BTBD2: variants seen among roughly 807,000 people sequenced by gnomAD.
BTBD2 encodes the protein BTB domain containing 2.
In BTBD2, 15 loss-of-function variants were observed where a neutral mutation model predicts 44.0. That is an observed-to-expected ratio of 0.34 (90% confidence interval 0.23 to 0.53). The LOEUF is 0.53. Ranked by LOEUF, BTBD2 falls within the 20% of genes least tolerant of loss-of-function variation. The probability of loss-of-function intolerance (pLI) is 0.95; values close to 1 mark genes in which losing one functional copy is unlikely to be tolerated. For missense variants in BTBD2, 657 were observed against 746.4 expected (o/e 0.88, Z 1.39); for synonymous variants, 443 against 335.9 (o/e 1.32, Z -3.49).
Position 1,998,274 on chromosome 19 carries a change from C to T in BTBD2, c.408-811G>A, listed in dbSNP as rs144049249. ...GCCTGGCCTCACTGAGGGAGACAGA[C>T]GAGGACCAAATGGCCGAACAGCCCC... On this transcript the variant is annotated intron_variant, in intron 1 of 8. Transcript: ENST00000255608. Among the ~76,000 whole-genome samples, 177 of 152,298 alleles carry T rather than the reference C, an allele frequency of 1.2e-3. 1 individual carries two copies. The highest frequency in any genetic ancestry group is 3.9e-3 in the African/African-American group (162 of 41,568).
chr19:1,987,587 C>T lies in BTBD2; in HGVS notation c.1094G>A (p.Cys365Tyr), dbSNP rs1246095656. The change falls in exon 6 of 9, where the codon TGC becomes TAC. Residue 365 changes from cysteine to tyrosine, a missense_variant. Physicochemically the swap from Cys to Tyr is radical, Grantham distance 194. Around this residue, in one of 3 missense-constraint regions of BTBD2, gnomAD observed 449 missense variants for 510.9 expected, o/e 0.88. Coordinates refer to ENST00000255608, the MANE Select transcript of BTBD2 (RefSeq NM_017797.4). ...PRVEFIDRPR[C>Y]CLRGKECSIN... ...GCTGCACTCCTTCCCACGCAGGCAG[C>T]AGCGGGGCCGGTCAATGAACTCCAC... 6.2e-7 allele frequency: 1 copy of T among 1,612,558 alleles called. No homozygotes were observed. The highest frequency in any genetic ancestry group is 8.5e-7 in the Non-Finnish European group (1 of 1,179,690).
At position 1,999,818 on chromosome 19, in the gene BTBD2, T is replaced by C. The variant is rs193290696; in HGVS notation, c.408-2355A>G. On this transcript the variant is annotated intron_variant, in intron 1 of 8. Coordinates refer to ENST00000255608, the MANE Select transcript of BTBD2 (RefSeq NM_017797.4). The stretch of plus-strand genomic sequence containing the variant: ...CTCTACTAAAAATACAAAAATTAGC[T>C]GGGCGTGGTGGTGGGTGCCTGTAAT... 5.6e-3 allele frequency among the ~76,000 whole-genome samples: 846 copies of C among 150,832 alleles called. 11 individuals carry two copies. The highest frequency in any genetic ancestry group is 0.018 in the African/African-American group (744 of 41,086).
intron 3 of BTBD2, chr19:1,991,032 G>T: frequency 1.9e-6 from 1 of 540,030 alleles, no homozygotes; most frequent in Non-Finnish European, 3.3e-6. Flanking sequence ...GAGAGTTGGG[G>T]AGTTCCCTCT....
rs370404856 is a variant in BTBD2, at chr19:1,994,468, A to AT, written c.528-1293dup. 1.9e-3 allele frequency among the ~76,000 whole-genome samples: 289 copies of AT among 150,784 alleles called. 2 individuals are homozygous for AT. The highest frequency in any genetic ancestry group is 0.017 in the East Asian group (88 of 5,128). On this transcript the variant is annotated intron_variant, in intron 2 of 8. Coordinates refer to ENST00000255608, the MANE Select transcript of BTBD2 (RefSeq NM_017797.4). ...ATGGTGAGATCCTGTCTCTAAACACATTTTTTTTTCAGCTGGGCACAGTGG... is the reference window on the plus strand; with the variant it reads ...ATGGTGAGATCCTGTCTCTAAACACATTTTTTTTTTCAGCTGGGCACAGTGG...
chr19:2,014,833 C>A (rs1278898169), intron 1 of BTBD2, among the ~76,000 whole-genome samples: 10 of 149,138 alleles, frequency 6.7e-5, no homozygotes, highest in East Asian at 2.0e-4. Flanking sequence ...GCCTGGGATC[C>A]CGGGGAACAG....
At chr19:1,990,670 G>T in intron 4 of BTBD2, 47 bp downstream of exon 4, 1 of 1,451,134 alleles carries the variant, frequency 6.9e-7, no homozygotes, top group Non-Finnish European at 9.4e-7. Flanking sequence ...GGACCCTCCC[G>T]CCGAGGCCCC....
At chr19:2,011,093 C>T (rs75320628) in intron 1 of BTBD2, among the ~76,000 whole-genome samples, 3,292 of 152,116 alleles carry the variant, frequency 0.022, 56 homozygotes, top group Non-Finnish European at 0.034. Context: ...CACTGCTCTG[C>T]GGACCTCTCA....
At chr19:1,993,953 C>T (rs1462934527) in intron 2 of BTBD2, among the ~76,000 whole-genome samples, 2 of 124,414 alleles carry the variant, frequency 1.6e-5, no homozygotes, top group Non-Finnish European at 3.1e-5. Flanking sequence ...GCTGAGATCT[C>T]GCCACTGCAC....
rs1482907927 is a variant in BTBD2 at position 1,986,380 on chromosome 19, G to C, written c.*108C>G. 1.0e-5 allele frequency: 14 copies of C among 1,372,178 alleles called. No homozygotes were observed. Among genetic ancestry groups the C allele is most frequent in the Non-Finnish European group, 1.2e-5 (12 of 980,998 alleles). The allele number at this position is 1,372,178 out of a possible 1,614,324, so 85.0% of individuals were successfully genotyped here. A position where few individuals can be genotyped will look rare whatever the true frequency, so the allele number is the denominator to read the frequency against. ...GTGGCATGGAGTGGACAGACGGCCT[G>C]GGGGACACTGGGCCTGGCACCGCGT... is the stretch of plus-strand genomic sequence containing the variant. On this transcript the variant is annotated 3_prime_UTR_variant, in exon 9 of 9. Coordinates refer to ENST00000255608, the MANE Select transcript of BTBD2 (RefSeq NM_017797.4).
intron 1 of BTBD2, among the ~76,000 whole-genome samples, chr19:1,999,851 A>C (rs369205773): frequency 6.6e-6 from 1 of 151,580 alleles, no homozygotes; most frequent in East Asian, 1.9e-4. Context: ...AATCCCAGCT[A>C]CTCAGGAGGC....
At position 2,005,580 on chromosome 19, in the gene BTBD2, G is replaced by A. The variant is rs551188656; in HGVS notation, c.408-8117C>T. ...GTGGATCACCTGAGGTCAGGAGTTCGAGACCAGCCTGACCAATAGGATGAA... is the reference window on the plus strand; with the variant it reads ...GTGGATCACCTGAGGTCAGGAGTTCAAGACCAGCCTGACCAATAGGATGAA... On this transcript the variant is annotated intron_variant, in intron 1 of 8. Coordinates refer to ENST00000255608, the MANE Select transcript of BTBD2 (RefSeq NM_017797.4). Among the ~76,000 whole-genome samples the A allele has an allele frequency of 1.6e-4, 24 of 151,708 alleles. No homozygotes were observed. The East Asian group carries it at 3.1e-3, about 20-fold the overall frequency.
At chr19:1,991,472 G>A (rs1239229366) in intron 3 of BTBD2, among the ~76,000 whole-genome samples, 2 of 152,204 alleles carry the variant, frequency 1.3e-5, no homozygotes, top group African/African-American at 4.8e-5. Context: ...GGGCAGGGAG[G>A]CTGAGGCAGC....
In BTBD2 at chr19:1,985,883, G is replaced by C. The variant is rs991247593; in HGVS notation, c.*605C>G. The C allele has an allele frequency of 6.5e-6, 1 of 153,462 alleles. No homozygotes were observed. The highest frequency in any genetic ancestry group is 2.4e-5 in the African/African-American group (1 of 41,460). The allele number at this position is 153,462 out of a possible 1,614,324, so 9.5% of individuals were successfully genotyped here. A position where few individuals can be genotyped will look rare whatever the true frequency, so the allele number is the denominator to read the frequency against. On this transcript the variant is annotated 3_prime_UTR_variant, in exon 9 of 9. Transcript: ENST00000255608. ...ACCTGGGCCAGGGCTAGGCCTATCC[G>C]GCAGGGGCCGTCCCCACACTGAATC...
intron 5 of BTBD2, 132 bp from the exon 6 acceptor site, chr19:1,987,824 C>A: frequency 1.1e-6 from 1 of 915,466 alleles, no homozygotes; most frequent in African/African-American, 1.7e-5. Flanking sequence ...GCAGCCCCTC[C>A]CCGGGGGACT....
rs1445277902 is a variant in BTBD2, at chr19:2,015,698, C to G, written c.6G>C (p.Ala2=). The change falls in exon 1 of 9, where the codon GCG becomes GCC. Residue 2 remains alanine, a synonymous_variant. Coordinates refer to ENST00000255608, the MANE Select transcript of BTBD2 (RefSeq NM_017797.4). ...ACGCACGCCCGCCGCTCCCACCCGC[C>G]GCCATTTTGTGGCTGCGGCGTGGGC... M[A]AGGSGGRASC... is the part of the protein sequence containing the mutation. The G allele has an allele frequency of 2.7e-5, 26 of 961,898 alleles. No homozygotes were observed. Among genetic ancestry groups the G allele is most frequent in the Non-Finnish European group, 3.0e-5 (25 of 820,904 alleles). 59.6% of individuals were successfully genotyped at this position (961,898 alleles called of 1,614,324 possible).
chr19:1,986,263 T>C lies in BTBD2; in HGVS notation c.*225A>G, dbSNP rs1434653853. ...CCTGAGGGATTGTCTCCACAGGGCC[T>C]GGCCACTGGCCTGGCCACCTCCCCG... On this transcript the variant is annotated 3_prime_UTR_variant, in exon 9 of 9. Coordinates refer to ENST00000255608, the MANE Select transcript of BTBD2 (RefSeq NM_017797.4). 3 of 564,218 alleles carry C rather than the reference T, an allele frequency of 5.3e-6. No homozygotes were observed. The highest frequency in any genetic ancestry group is 9.3e-6 in the Non-Finnish European group (3 of 322,916). 35.0% of individuals were successfully genotyped at this position (564,218 alleles called of 1,614,324 possible).
In BTBD2 at chr19:2,015,434, G is replaced by C; in HGVS notation, c.270C>G (p.Arg90=). 4.1e-6 allele frequency: 6 copies of C among 1,462,036 alleles called. No homozygotes were observed. The highest frequency in any genetic ancestry group is 4.5e-6 in the Non-Finnish European group (5 of 1,108,952). The allele number at this position is 1,462,036 out of a possible 1,614,324, so 90.6% of individuals were successfully genotyped here. ...TGGCCTGCCAGTTGTACGCGGCCTCGCGCTGCAGCGCCGCCGCCCCCGGGC... is the reference window on the plus strand; with the variant it reads ...TGGCCTGCCAGTTGTACGCGGCCTCCCGCTGCAGCGCCGCCGCCCCCGGGC... ...AAGPGAAALQ[R]EAAYNWQASK... is the part of the protein sequence containing the mutation. Residue 90 remains arginine, a synonymous_variant, in exon 1 of 9, where the codon CGC becomes CGG. Coordinates refer to ENST00000255608, the MANE Select transcript of BTBD2 (RefSeq NM_017797.4).
intron 4 of BTBD2, 39 bp downstream of exon 4, chr19:1,990,666 TCCCGCCGAGGCC>T (rs1568215389): frequency 6.6e-7 from 1 of 1,505,212 alleles, no homozygotes; most frequent in Admixed American, 2.0e-5. Context: ...CCCCGGACCC[TCCCGCCGAGGCC>T]CCGCTGGGAT....
rs749763268 is a variant in BTBD2, at chr19:1,986,671, T to C, written c.1417-22A>G. On this transcript the variant is annotated intron_variant, in intron 8 of 8. Coordinates refer to ENST00000255608, the MANE Select transcript of BTBD2 (RefSeq NM_017797.4). ...GGCCCTGTAGGGAATAGGGGTACAG[T>C]GAGGTCAAGGACCACCAGGCTGGGA... 9 of 1,611,302 alleles carry C rather than the reference T, an allele frequency of 5.6e-6. No individual in the cohort carries two copies. In the East Asian group the frequency reaches 1.8e-4, roughly 32 times the overall value.
Sources: gnomAD v4.1 joint callset for allele counts (sites outside exome capture counted in the v4.1 genomes callset) on GRCh38, gnomAD v4.1.1 for gene constraint, gnomAD v4.1.1 regional missense constraint, MANE v1.5 for transcripts, NCBI Gene and HGNC (gene_info 2026-07-23, HGNC 2026-07-21) for gene names.